Variants in EBF1 observed in about 807,000 individuals in gnomAD.
The protein encoded by EBF1 is transcription factor COE1.
In EBF1, 10 loss-of-function variants were observed where a neutral mutation model predicts 68.4. The ratio of observed to expected loss-of-function variants is 0.15; its 90% CI spans 0.09 to 0.25. The LOEUF is 0.25. EBF1 is among the 10% of genes least tolerant of loss of function. The probability of loss-of-function intolerance (pLI) is 1.00; values close to 1 mark genes in which losing one functional copy is unlikely to be tolerated. For missense variants in EBF1, 509 were observed against 794.4 expected (o/e 0.64, Z 4.32); for synonymous variants, 298 against 299.8 (o/e 0.99, Z 0.06).
intron 6 of EBF1, among the ~76,000 whole-genome samples, chr5:158,992,917 CTTTTTTTTTTTTTTTT>C (rs148629320): frequency 1.4e-5 from 1 of 72,826 alleles, no homozygotes. Flanking sequence ...CTGTTTCTTT[CTTTTTTTTTTTTTTTT>C]TTTTTTTTTT....
intron 6 of EBF1, among the ~76,000 whole-genome samples, chr5:158,869,119 T>C (rs1049566622): frequency 6.6e-6 from 1 of 152,072 alleles, no homozygotes; most frequent in Non-Finnish European, 1.5e-5. Flanking sequence ...TGTGTATGTG[T>C]GTAAAAGTAA....
chr5:158,983,402 G>A (rs1020734754), intron 6 of EBF1: 5 of 152,128 alleles, frequency 3.3e-5, no homozygotes, highest in Non-Finnish European at 7.4e-5. Flanking sequence ...GAACTCTGCT[G>A]CATCCACTCG....
intron 11 of EBF1, among the ~76,000 whole-genome samples, chr5:158,721,673 G>T (rs569791514): frequency 6.6e-6 from 1 of 152,094 alleles, no homozygotes; most frequent in African/African-American, 2.4e-5. Context: ...TGGTTCGATC[G>T]TGTGACCTCT....
At chr5:158,984,296 T>G (rs1758509487) in intron 6 of EBF1, among the ~76,000 whole-genome samples, 1 of 152,246 alleles carries the variant, frequency 6.6e-6, no homozygotes, top group Non-Finnish European at 1.5e-5. Flanking sequence ...TTCATGTTTC[T>G]AACTCTATTC....
At chr5:158,774,630 C>T (rs150118787) in intron 10 of EBF1, among the ~76,000 whole-genome samples, 9 of 152,234 alleles carry the variant, frequency 5.9e-5, no homozygotes, top group Non-Finnish European at 1.3e-4. Flanking sequence ...GGGGGCCGTA[C>T]ATTTGCAATG....
intron 6 of EBF1, among the ~76,000 whole-genome samples, chr5:158,964,502 G>A (rs1305671196): frequency 6.6e-6 from 1 of 152,090 alleles, no homozygotes; most frequent in Non-Finnish European, 1.5e-5. Context: ...CAGACAAGCA[G>A]AATAAAATGG....
intron 6 of EBF1, among the ~76,000 whole-genome samples, chr5:159,056,988 G>A (rs1774876218): frequency 6.6e-6 from 1 of 152,038 alleles, no homozygotes; most frequent in African/African-American, 2.4e-5. Context: ...AACAAGCACA[G>A]TTGCAAATAA....
rs186615631 is a variant in EBF1 at position 159,004,862 on chromosome 5, A to T, written c.554+68534T>A. Among the ~76,000 whole-genome samples, 600 of 152,110 alleles carry T rather than the reference A, an allele frequency of 3.9e-3. 2 individuals carry two copies. The highest frequency in any genetic ancestry group is 0.013 in the African/African-American group (532 of 41,462). On this transcript the variant is annotated intron_variant, in intron 6 of 15. Transcript: ENST00000313708. ...ACAGCCAGACTTACCATCATGGGAA[A>T]CTCTTCCTGTAAGAAGCCAGCCAGC...
chr5:159,084,674 G>A lies in EBF1; in HGVS notation c.477C>T (p.Ile159=). The change falls in exon 5 of 16, where the codon ATC becomes ATT. Residue 159 remains isoleucine (I), a synonymous_variant. Transcript: ENST00000313708. The part of the protein sequence containing the change: ...EMCRVLLTHE[I]MCSRCCDKKS... ...ACCAAGATATTTCTTACCTGCACAT[G>A]ATCTCATGTGTGAGCAAGACTCGGC... 1 of 1,584,144 alleles carries A rather than the reference G, an allele frequency of 6.3e-7. No homozygotes were observed. The highest frequency in any genetic ancestry group is 8.6e-7 in the Non-Finnish European group (1 of 1,162,832).
At chr5:158,703,620 AC>A (rs1269893876) in intron 15 of EBF1, among the ~76,000 whole-genome samples, 2 of 140,204 alleles carry the variant, frequency 1.4e-5, no homozygotes, top group Non-Finnish European at 3.1e-5. Flanking sequence ...AAAAAAAAAA[AC>A]CCTCAGATAT....
At chr5:159,052,498 G>T (rs553570363) in intron 6 of EBF1, among the ~76,000 whole-genome samples, 3 of 152,300 alleles carry the variant, frequency 2.0e-5, no homozygotes, top group Admixed American at 6.5e-5. Flanking sequence ...CTGCAAATCA[G>T]TTCGGGGTTT....
At chr5:159,064,647 C>T (rs4921274) in intron 6 of EBF1, among the ~76,000 whole-genome samples, 130,043 of 152,146 alleles carry the variant, frequency 0.85, 55,698 homozygotes, top group African/African-American at 0.89. Flanking sequence ...TGCTGGTCTT[C>T]ACGAGCCAGA....
Position 159,099,372 on chromosome 5 carries a change from A to T in EBF1, c.107T>A (p.Val36Glu). The T allele has an allele frequency of 6.3e-7, 1 of 1,594,822 alleles. No individual in the cohort carries two copies. The highest frequency in any genetic ancestry group is 8.5e-7 in the Non-Finnish European group (1 of 1,171,450). The change falls in exon 1 of 16, where the codon GTG becomes GAG. Residue 36 changes from valine to glutamate, a missense_variant. This residue lies in a region of EBF1 where 74 missense variants were observed against 79.4 expected (regional missense o/e 0.93). Transcript: ENST00000313708. ...CTGCGCCGCCGTGTTGGCGTCCAGC[A>T]CCCCGGCGCCCTGCATCCACGTCCG... The part of the protein sequence containing the change: ...AVRTWMQGAG[V>E]LDANTAAQSG...
chr5:158,938,027 A>C (rs916038386), intron 6 of EBF1, among the ~76,000 whole-genome samples: 3 of 152,066 alleles, frequency 2.0e-5, no homozygotes, highest in African/African-American at 7.2e-5. Flanking sequence ...TATAAGGCAA[A>C]ATGTACCTTT....
chr5:159,028,746 T>A (rs1464875202), intron 6 of EBF1, among the ~76,000 whole-genome samples: 1 of 152,090 alleles, frequency 6.6e-6, no homozygotes, highest in Non-Finnish European at 1.5e-5. Context: ...GATGGTTGGA[T>A]GGAAGGTTGG....
intron 4 of EBF1, among the ~76,000 whole-genome samples, chr5:159,093,697 C>T (rs1562001191): frequency 6.6e-6 from 1 of 152,006 alleles, no homozygotes; most frequent in Non-Finnish European, 1.5e-5. Flanking sequence ...AAGTTCATCC[C>T]ATAATGGGAA....
At chr5:159,025,923 T>C (rs1767634524) in intron 6 of EBF1, among the ~76,000 whole-genome samples, 1 of 152,216 alleles carries the variant, frequency 6.6e-6, no homozygotes, top group Admixed American at 6.5e-5. Context: ...TTATCACCTT[T>C]CAAGTTACAT....
At chr5:158,703,007 C>T (rs1019365765) in intron 15 of EBF1, among the ~76,000 whole-genome samples, 2 of 152,052 alleles carry the variant, frequency 1.3e-5, no homozygotes, top group Non-Finnish European at 2.9e-5. Flanking sequence ...ATTTTTCATG[C>T]GTAGACTGTC....
chr5:158,914,664 A>G (rs1249839039), intron 6 of EBF1, among the ~76,000 whole-genome samples: 1 of 152,174 alleles, frequency 6.6e-6, no homozygotes, highest in Non-Finnish European at 1.5e-5. Flanking sequence ...CGAAAGATCA[A>G]CCACGGTTTT....
Sources: gnomAD v4.1 joint callset for allele counts (sites outside exome capture counted in the v4.1 genomes callset) on GRCh38, gnomAD v4.1.1 for gene constraint, gnomAD v4.1.1 regional missense constraint, MANE v1.5 for transcripts, NCBI Gene and HGNC (gene_info 2026-07-23, HGNC 2026-07-21) for gene names.